Variants in KDM2B observed in about 807,000 individuals in gnomAD.
KDM2B encodes the protein lysine demethylase 2B.
A neutral mutation model predicts 150.0 loss-of-function variants in KDM2B; 26 were observed. That is an observed-to-expected ratio of 0.17 (90% confidence interval 0.13 to 0.24). KDM2B has a LOEUF of 0.24. KDM2B is among the 10% of genes least tolerant of loss of function. KDM2B has a pLI of 1.00. For missense variants in KDM2B, 1,265 were observed against 1,816.9 expected (o/e 0.70, Z 5.52); for synonymous variants, 734 against 729.5 (o/e 1.01, Z -0.10).
At chr12:121,418,214 A>G in the KDM2B span, 1 of 333,962 alleles carries the variant, frequency 3.0e-6, no homozygotes, top group Admixed American at 4.5e-5. Context: ...GGCTGTGAAA[A>G]AGTAGCACAT....
chr12:121,478,866 T>TGTGTGTGTGTGTGTGTGTGTGTG (rs1881709324), intron 12 of KDM2B, among the ~76,000 whole-genome samples: 1 of 131,132 alleles, frequency 7.6e-6, no homozygotes, highest in Admixed American at 8.5e-5. Context: ...TTTTGTTTGT[T>TGTGTGTGTGTGTGTGTGTGTGTG]TGTGTGTGTG....
Position 121,441,009 on chromosome 12 carries a change from G to A in KDM2B, c.3449-32C>T, listed in dbSNP as rs369623291. 3.7e-6 allele frequency: 6 copies of A among 1,612,486 alleles called. No individual in the cohort carries two copies. In the African/African-American group the frequency reaches 4.0e-5, roughly 11 times the overall value. On this transcript the variant is annotated intron_variant, in intron 20 of 22. Transcript: ENST00000377071. ...GGACATAGAAAAGGGTGAAGGTCAG[G>A]GGATGTGTCCCCAGCCCTCACTGCA...
intron 11 of KDM2B, among the ~76,000 whole-genome samples, chr12:121,501,497 G>A (rs1241796411): frequency 1.3e-5 from 2 of 152,194 alleles, no homozygotes; most frequent in African/African-American, 4.8e-5. Context: ...GAAACCAGAG[G>A]AGGCCCGGAA....
At chr12:121,542,924 A>C (rs1555309982) in intron 6 of KDM2B, among the ~76,000 whole-genome samples, 5 of 152,258 alleles carry the variant, frequency 3.3e-5, no homozygotes, top group Non-Finnish European at 7.3e-5. Context: ...ACTACATAGA[A>C]TCATGTCTTG....
intron 6 of KDM2B, among the ~76,000 whole-genome samples, chr12:121,540,679 G>A (rs28503528): frequency 0.13 from 19,729 of 149,896 alleles, 3,288 homozygotes; most frequent in African/African-American, 0.4. Context: ...ACTGGAACCC[G>A]GGAGGCAGAG....
At chr12:121,551,796 G>A (rs1327096390) in intron 4 of KDM2B, among the ~76,000 whole-genome samples, 8 of 151,618 alleles carry the variant, frequency 5.3e-5, no homozygotes, top group African/African-American at 9.7e-5. Flanking sequence ...CAAGTGATCC[G>A]CCCGCCTCAG....
chr12:121,430,188 G>A lies in KDM2B; in HGVS notation c.*100C>T, dbSNP rs1555285129. 4 of 1,614,198 alleles carry A rather than the reference G, an allele frequency of 2.5e-6. No homozygotes were observed. Among genetic ancestry groups the A allele is most frequent in the Non-Finnish European group, 3.4e-6 (4 of 1,180,044 alleles). ...ACTTGCAAAATGGAATTGCGTTGTG[G>A]TCTGTTGTCCCACGTTCCAAATGGA... is the stretch of plus-strand genomic sequence containing the variant. On this transcript the variant is annotated 3_prime_UTR_variant, in exon 23 of 23. Coordinates refer to ENST00000377071, the MANE Select transcript of KDM2B (RefSeq NM_032590.5). The surrounding 1 kb of genome is among the most constrained non-coding windows in gnomAD (Gnocchi z 4.4).
chr12:121,558,371 A>G (rs1047534930), intron 4 of KDM2B, among the ~76,000 whole-genome samples: 2 of 152,102 alleles, frequency 1.3e-5, no homozygotes, highest in Admixed American at 1.3e-4. Context: ...ATCACCTGGT[A>G]GGTCCTGAGC....
chr12:121,526,951 G>T (rs904094201), intron 8 of KDM2B, among the ~76,000 whole-genome samples: 2 of 151,962 alleles, frequency 1.3e-5, no homozygotes, highest in African/African-American at 4.8e-5. Flanking sequence ...AGAATCACTT[G>T]AACCCAGGAG....
chr12:121,451,921 A>C (rs1877353430), intron 13 of KDM2B, among the ~76,000 whole-genome samples: 1 of 152,182 alleles, frequency 6.6e-6, no homozygotes, highest in Non-Finnish European at 1.5e-5. Context: ...CAGAAAAAAA[A>C]AAGAAAATTT....
intron 11 of KDM2B, among the ~76,000 whole-genome samples, chr12:121,507,905 G>C (rs1168637274): frequency 1.3e-5 from 2 of 152,124 alleles, no homozygotes; most frequent in Admixed American, 6.6e-5. Flanking sequence ...CAGCTACTTG[G>C]GAGGCTGAGG....
intron 4 of KDM2B, among the ~76,000 whole-genome samples, chr12:121,562,040 T>C (rs1316162931): frequency 2.0e-5 from 3 of 149,910 alleles, no homozygotes; most frequent in African/African-American, 7.4e-5. Context: ...GGCGTGGTGG[T>C]GCGAGCCTAT....
At chr12:121,569,327 A>C (rs1890928824) in intron 4 of KDM2B, among the ~76,000 whole-genome samples, 1 of 152,234 alleles carries the variant, frequency 6.6e-6, no homozygotes, top group South Asian at 2.1e-4. Context: ...GGTTTTGGGA[A>C]GGACCCTGAG....
chr12:121,516,510 C>T, intron 9 of KDM2B: 1 of 1,403,588 alleles, frequency 7.1e-7, no homozygotes, highest in Non-Finnish European at 9.4e-7. Flanking sequence ...CAAAAGGTTT[C>T]AGCCACATGC....
intron 21 of KDM2B, 112 bp from the exon 22 acceptor site, chr12:121,440,187 TTAGTTA>T: frequency 1.4e-6 from 1 of 736,424 alleles, no homozygotes; most frequent in South Asian, 1.7e-5. Context: ...CAGATTTCAT[TTAGTTA>T]TAAACTGCTT....
intron 11 of KDM2B, among the ~76,000 whole-genome samples, chr12:121,495,452 C>T (rs566333113): frequency 1.2e-4 from 19 of 152,302 alleles, no homozygotes; most frequent in South Asian, 1.2e-3. Flanking sequence ...TGAGCCAACA[C>T]GCCCAGCCAT....
intron 13 of KDM2B, among the ~76,000 whole-genome samples, chr12:121,448,061 G>A (rs1555290737): frequency 6.6e-6 from 1 of 152,080 alleles, no homozygotes; most frequent in African/African-American, 2.4e-5. Flanking sequence ...GCACATGCCT[G>A]CAATCCCAGC....
intron 22 of KDM2B, among the ~76,000 whole-genome samples, chr12:121,431,584 T>G (rs1248847029): frequency 1.3e-5 from 2 of 152,146 alleles, no homozygotes; most frequent in Non-Finnish European, 2.9e-5. Context: ...TATCTACATG[T>G]TATCAAAATC....
At chr12:121,480,932 G>GT (rs71079072) in intron 12 of KDM2B, among the ~76,000 whole-genome samples, 4,085 of 135,330 alleles carry the variant, frequency 0.03, 271 homozygotes, top group African/African-American at 0.1. Context: ...TTTTTTTGTT[G>GT]TTTTTTTTTT....
Sources: allele counts gnomAD v4.1 joint callset (sites outside exome capture counted in the v4.1 genomes callset), GRCh38; gene constraint gnomAD v4.1.1; non-coding constraint Gnocchi (gnomAD v3.1); transcripts MANE v1.5; gene names NCBI Gene and HGNC (gene_info 2026-07-23, HGNC 2026-07-21).